RERG: variants seen among roughly 807,000 people sequenced by gnomAD.
RERG encodes RAS like estrogen regulated growth inhibitor.
In RERG, 25 loss-of-function variants were observed where a neutral mutation model predicts 23.2. The ratio of observed to expected loss-of-function variants is 1.08; its 90% confidence interval spans 0.79 to 1.50. RERG has a LOEUF of 1.50. Ranked by LOEUF, RERG falls within the 40% of genes most tolerant of loss-of-function variation. The pLI, the probability that RERG is intolerant of heterozygous loss-of-function variation, is 0.00. For missense variants in RERG, 253 were observed against 250.1 expected (o/e 1.01, Z -0.08); for synonymous variants, 81 against 89.1 (o/e 0.91, Z 0.51).
chr12:15,192,466 T>G (rs1865085082), intron 2 of RERG, among the ~76,000 whole-genome samples: 1 of 152,216 alleles, frequency 6.6e-6, no homozygotes, highest in Non-Finnish European at 1.5e-5. Context: ...AAACCCTAAA[T>G]ATTGCATATG....
intron 3 of RERG, among the ~76,000 whole-genome samples, chr12:15,114,313 A>G (rs1004645381): frequency 2.0e-5 from 3 of 152,190 alleles, no homozygotes; most frequent in Non-Finnish European, 4.4e-5. Context: ...TAGGCTAAAG[A>G]CTGGAGAACA....
chr12:15,193,379 G>T (rs1376439792), intron 2 of RERG, among the ~76,000 whole-genome samples: 1 of 152,144 alleles, frequency 6.6e-6, no homozygotes, highest in African/African-American at 2.4e-5. Flanking sequence ...GAGGTTGGTA[G>T]ACATGCCTCC....
chr12:15,137,741 TATAA>T (rs1185118757), intron 2 of RERG: 4 of 360,278 alleles, frequency 1.1e-5, no homozygotes, highest in African/African-American at 8.5e-5. Flanking sequence ...CATGAGCAAT[TATAA>T]ATACATTGTT....
At chr12:15,180,156 C>A (rs913410229) in intron 2 of RERG, among the ~76,000 whole-genome samples, 1 of 152,024 alleles carries the variant, frequency 6.6e-6, no homozygotes, top group African/African-American at 2.4e-5. Flanking sequence ...ATAATAGTGT[C>A]TTTTTAAACA....
At chr12:15,194,968 GT>G (rs1045582006) in intron 2 of RERG, among the ~76,000 whole-genome samples, 2 of 152,038 alleles carry the variant, frequency 1.3e-5, no homozygotes, top group Admixed American at 6.6e-5. Context: ...AAAATTGATA[GT>G]TTTTTTCCAT....
intron 2 of RERG, among the ~76,000 whole-genome samples, chr12:15,132,683 A>G (rs117221876): frequency 2.8e-3 from 432 of 152,300 alleles, no homozygotes; most frequent in Middle Eastern, 0.017. Flanking sequence ...CTGTTGTTCT[A>G]CATCCTTCTC....
intron 2 of RERG, among the ~76,000 whole-genome samples, chr12:15,212,333 A>C (rs1435397766): frequency 6.6e-6 from 1 of 151,812 alleles, no homozygotes; most frequent in Non-Finnish European, 1.5e-5. Flanking sequence ...TGCTGGGATT[A>C]CAGGCGTGAG....
chr12:15,217,407 A>G (rs779569918), intron 2 of RERG, 22 bp downstream of exon 2: 30 of 1,571,838 alleles, frequency 1.9e-5, no homozygotes, highest in Non-Finnish European at 2.3e-5. Flanking sequence ...ACACACTATA[A>G]CAACCACAAC....
At chr12:15,126,989 A>AT (rs1863959909) in intron 2 of RERG, among the ~76,000 whole-genome samples, 1 of 152,000 alleles carries the variant, frequency 6.6e-6, no homozygotes, top group African/African-American at 2.4e-5. Context: ...AAGTGCTGGG[A>AT]TTACAGGCAT....
At chr12:15,154,214 T>C (rs1049438810) in intron 2 of RERG, 2 of 152,204 alleles carry the variant, frequency 1.3e-5, no homozygotes, top group African/African-American at 4.8e-5. Flanking sequence ...ATATTCTGAA[T>C]CCTTGTCTTT....
chr12:15,164,637 AG>A (rs1864660897), intron 2 of RERG, among the ~76,000 whole-genome samples: 1 of 152,164 alleles, frequency 6.6e-6, no homozygotes, highest in Admixed American at 6.5e-5. Flanking sequence ...CCATACCCTG[AG>A]CTGTATAGAC....
intron 2 of RERG, among the ~76,000 whole-genome samples, chr12:15,123,058 A>G (rs981059649): frequency 6.6e-6 from 1 of 152,090 alleles, no homozygotes; most frequent in African/African-American, 2.4e-5. Context: ...CGGCCTCCCA[A>G]AGTGCTGGAA....
chr12:15,158,396 T>G (rs765940815), intron 2 of RERG, among the ~76,000 whole-genome samples: 5 of 151,956 alleles, frequency 3.3e-5, no homozygotes, highest in African/African-American at 2.4e-5. Context: ...ATCTTCCCAC[T>G]TCAGCTTCCC....
chr12:15,151,708 A>C (rs144126460), intron 2 of RERG, among the ~76,000 whole-genome samples: 86 of 152,324 alleles, frequency 5.6e-4, no homozygotes, highest in African/African-American at 1.9e-3. Flanking sequence ...CAGAATATAC[A>C]AAGTTTTCTT....
intron 2 of RERG, among the ~76,000 whole-genome samples, chr12:15,136,128 T>G (rs1864140451): frequency 1.3e-5 from 2 of 151,972 alleles, no homozygotes; most frequent in South Asian, 4.1e-4. Flanking sequence ...TTTGGTAGAT[T>G]GTGTCTTTCA....
At chr12:15,121,533 A>G (rs4764164) in intron 2 of RERG, among the ~76,000 whole-genome samples, 17,150 of 152,242 alleles carry the variant, frequency 0.11, 1,043 homozygotes, top group Non-Finnish European at 0.12. Flanking sequence ...GATAATTTTT[A>G]GTGTAATGAA....
intron 2 of RERG, among the ~76,000 whole-genome samples, chr12:15,196,196 G>A (rs1865141868): frequency 6.6e-6 from 1 of 152,170 alleles, no homozygotes; most frequent in Admixed American, 6.5e-5. Context: ...TAAGTCAAAT[G>A]AGAAAGCAGT....
Position 15,217,417 on chromosome 12 carries a change from C to T in RERG, c.61+12G>A, listed in dbSNP as rs140479497. 1.6e-4 allele frequency: 249 copies of T among 1,602,880 alleles called. 1 individual carries two copies. The highest frequency in any genetic ancestry group is 2.0e-4 in the Non-Finnish European group (229 of 1,169,852). On this transcript the variant is annotated intron_variant, in intron 2 of 4. Transcript: ENST00000256953. Reference sequence around the variant, plus strand: ...CACACACACACTATAACAACCACAACGAAAATCTTACCTGACTTGCCCACG... The same window carrying T: ...CACACACACACTATAACAACCACAATGAAAATCTTACCTGACTTGCCCACG...
At chr12:15,212,105 T>C in intron 2 of RERG, among the ~76,000 whole-genome samples, 1 of 133,466 alleles carries the variant, frequency 7.5e-6, no homozygotes, top group East Asian at 2.3e-4. Flanking sequence ...CAGGCCGGAC[T>C]GCGGACTGCA....
Sources: gnomAD v4.1 joint callset for allele counts (sites outside exome capture counted in the v4.1 genomes callset) on GRCh38, gnomAD v4.1.1 for gene constraint, MANE v1.5 for transcripts, NCBI Gene and HGNC (gene_info 2026-07-23, HGNC 2026-07-21) for gene names.